The following GUCD1 variants were observed in gnomAD, a reference collection of about 807,000 sequenced individuals.
The protein encoded by GUCD1 is protein GUCD1.
GUCD1 carries 17 observed loss-of-function variants against 28.3 expected under a neutral mutation model. The observed-to-expected ratio is 0.60, with a 90% CI of 0.41 to 0.90. The LOEUF (loss-of-function observed/expected upper bound fraction) is 0.90. Ranked by LOEUF, GUCD1 falls within the 40% of genes least tolerant of loss-of-function variation. The probability of loss-of-function intolerance (pLI) is 0.00; values close to 1 mark genes in which losing one functional copy is unlikely to be tolerated. For synonymous variants in GUCD1, 129 were observed against 123.3 expected (o/e 1.05, Z -0.30); for missense variants, 279 against 305.5 (o/e 0.91, Z 0.65).
In GUCD1 at chr22:24,547,004, G is replaced by C. The variant is rs748433469; in HGVS notation, c.296C>G (p.Ser99Cys). ...TGTGTCAAAGTGCTTCCTGTAGAAG[G>C]ACTGAACAGAGAAGAGGGGGATGGA... ...LGVDKGYKNQ[S>C]FYRKHFDTEE... Residue 99 changes from serine (S) to cysteine (C), a missense_variant and splice_region_variant, in exon 4 of 6, where the codon TCC (serine) becomes TGC (cysteine). Ser to Cys is a moderately radical substitution (Grantham distance 112). Transcript: ENST00000435822. 1.9e-6 allele frequency: 3 copies of C among 1,613,110 alleles called. No individual in the cohort carries two copies. The highest frequency in any genetic ancestry group is 2.5e-6 in the Non-Finnish European group (3 of 1,179,082).
At chr22:24,545,915 G>A (rs1428290709) in intron 4 of GUCD1, among the ~76,000 whole-genome samples, 1 of 147,362 alleles carries the variant, frequency 6.8e-6, no homozygotes, top group Non-Finnish European at 1.5e-5. Flanking sequence ...TTAAAGCCCG[G>A]GGCAGTACTC....
chr22:24,550,661 T>C (rs2044848397), intron 1 of GUCD1, among the ~76,000 whole-genome samples: 2 of 152,166 alleles, frequency 1.3e-5, no homozygotes, highest in East Asian at 3.8e-4. Flanking sequence ...TTCCCCTCAC[T>C]TCCCTGTGTG....
chr22:24,546,336 A>G (rs997403308), intron 4 of GUCD1, among the ~76,000 whole-genome samples: 1 of 152,220 alleles, frequency 6.6e-6, no homozygotes, highest in African/African-American at 2.4e-5. Context: ...TCCGCAAAGA[A>G]AGGGAAAATC....
intron 1 of GUCD1, among the ~76,000 whole-genome samples, chr22:24,550,634 TG>T (rs1299534021): frequency 2.6e-5 from 4 of 152,102 alleles, no homozygotes; most frequent in Admixed American, 6.5e-5. Flanking sequence ...GGAGCCCTCC[TG>T]CTGTGCCAGC....
chr22:24,542,790 C>T lies in GUCD1; in HGVS notation c.*216G>A, dbSNP rs2044624939. The T allele has an allele frequency of 3.9e-6, 2 of 516,390 alleles. No individual in the cohort carries two copies. The highest frequency in any genetic ancestry group is 4.2e-5 in the South Asian group (2 of 48,072). The allele number at this position is 516,390 out of a possible 1,614,324, so 32.0% of individuals were successfully genotyped here. On this transcript the variant is annotated 3_prime_UTR_variant, in exon 6 of 6. Coordinates refer to ENST00000435822, the MANE Select transcript of GUCD1 (RefSeq NM_001284254.2). ...GGTCTTGGGGTATGCTTCCAGCAGC[C>T]AGCAGGTGCTTGGGGTGAGTGACAT...
chr22:24,551,020 T>C (rs931233696), intron 1 of GUCD1, among the ~76,000 whole-genome samples: 1 of 152,192 alleles, frequency 6.6e-6, no homozygotes, highest in African/African-American at 2.4e-5. Flanking sequence ...GAAGGCACAA[T>C]GGCATGAGCA....
In GUCD1 at chr22:24,551,275, C is replaced by G. The variant is rs762373374; in HGVS notation, c.44-2274G>C. On this transcript the variant is annotated intron_variant, in intron 1 of 5. Transcript: ENST00000435822. ...TAACCCAGATGCCTCCAAAAGATACCCAGGCCGTTCACTCAAGGCGCTCAC... is the reference window on the plus strand; with the variant it reads ...TAACCCAGATGCCTCCAAAAGATACGCAGGCCGTTCACTCAAGGCGCTCAC... 2.6e-5 allele frequency among the ~76,000 whole-genome samples: 4 copies of G among 152,150 alleles called. No homozygotes were observed. In the South Asian group the frequency reaches 8.3e-4, roughly 32 times the overall value.
intron 2 of GUCD1, among the ~76,000 whole-genome samples, chr22:24,548,457 A>C (rs1446965804): frequency 1.3e-5 from 2 of 152,252 alleles, no homozygotes; most frequent in African/African-American, 2.4e-5. Context: ...GATGTAAAAC[A>C]GATGAAGATG....
At chr22:24,550,560 A>G (rs1452609449) in intron 1 of GUCD1, among the ~76,000 whole-genome samples, 2 of 152,150 alleles carry the variant, frequency 1.3e-5, no homozygotes, top group Admixed American at 6.5e-5. Context: ...CCTTGCCCAC[A>G]TTGTTTCCCC....
chr22:24,545,926 T>A (rs1034931175), intron 4 of GUCD1, among the ~76,000 whole-genome samples: 1 of 149,600 alleles, frequency 6.7e-6, no homozygotes, highest in African/African-American at 2.5e-5. Flanking sequence ...GGCAGTACTC[T>A]TGGAAAATGT....
In GUCD1 at chr22:24,547,974, G is replaced by C. The variant is rs2147085067; in HGVS notation, c.228C>G (p.His76Gln). Residue 76 changes from histidine to glutamine, a missense_variant, in exon 3 of 6, where the codon CAC (histidine) becomes CAG (glutamine). By Grantham distance (24) the His-to-Gln change is conservative (BLOSUM62 0). Transcript: ENST00000435822. ...IWTIDLAYLM[H>Q]HFGVRHRFCT... Reference sequence around the variant, plus strand: ...AGAAGCGGTGCCTCACGCCAAAGTGGTGCATCAGGTAGGCCAGGTCGATGG... The same window carrying C: ...AGAAGCGGTGCCTCACGCCAAAGTGCTGCATCAGGTAGGCCAGGTCGATGG... 6.2e-7 allele frequency: 1 copy of C among 1,614,210 alleles called. No homozygotes were observed. The highest frequency in any genetic ancestry group is 2.2e-5 in the East Asian group (1 of 44,886).
At chr22:24,555,588 C>T (rs114059315), upstream of GUCD1, 6,519 of 1,548,996 alleles carry the variant, frequency 4.2e-3, 203 homozygotes, top group African/African-American at 0.073. Context: ...GTACCAGATA[C>T]CTAGCCTCAC....
chr22:24,551,201 G>A (rs1454333512), intron 1 of GUCD1, among the ~76,000 whole-genome samples: 1 of 152,160 alleles, frequency 6.6e-6, no homozygotes, highest in Non-Finnish European at 1.5e-5. Context: ...GCTGGGGCCT[G>A]GTATGCTAAG....
chr22:24,550,335 A>C (rs2044839315), intron 1 of GUCD1, among the ~76,000 whole-genome samples: 1 of 152,192 alleles, frequency 6.6e-6, no homozygotes, highest in Non-Finnish European at 1.5e-5. Context: ...ACATAGCAAA[A>C]TAGAGGCCTA....
chr22:24,547,215 G>A, intron 3 of GUCD1: 1 of 551,370 alleles, frequency 1.8e-6, no homozygotes, highest in Non-Finnish European at 3.3e-6. Context: ...ACAGAGGCAT[G>A]AGGATGATGC....
Position 24,546,973 on chromosome 22 carries a change from CTCT to C in GUCD1, c.324_326del (p.Glu109del), listed in dbSNP as rs1470406647. 6.2e-7 allele frequency: 1 copy of C among 1,613,994 alleles called. No homozygotes were observed. The highest frequency in any genetic ancestry group is 8.5e-7 in the Non-Finnish European group (1 of 1,180,034). ...GTGCAAACAGCTGATTCACCCGGGT[CTCT>C]TCTGTGTCAAAGTGCTTCCTGTAGA... On this transcript the variant is annotated inframe_deletion, in exon 4 of 6. Transcript: ENST00000435822.
intron 4 of GUCD1, among the ~76,000 whole-genome samples, chr22:24,544,724 G>A (rs149208620): frequency 6.6e-6 from 1 of 152,118 alleles, no homozygotes; most frequent in East Asian, 1.9e-4. Flanking sequence ...TGAAAACCTA[G>A]AGCAGGGCTG....
intron 3 of GUCD1, chr22:24,547,316 G>A (rs987844327): frequency 4.1e-5 from 14 of 343,390 alleles, no homozygotes; most frequent in Middle Eastern, 1.8e-3. Flanking sequence ...GCATGAGCAG[G>A]AGCCCGTAGC....
At chr22:24,549,836 T>C (rs1463200840) in intron 1 of GUCD1, among the ~76,000 whole-genome samples, 1 of 152,170 alleles carries the variant, frequency 6.6e-6, no homozygotes, top group Non-Finnish European at 1.5e-5. Flanking sequence ...GGCTGTTTTG[T>C]TTCCTGCTTT....
Sources: gnomAD v4.1 joint callset for allele counts (sites outside exome capture counted in the v4.1 genomes callset) on GRCh38, gnomAD v4.1.1 for gene constraint, MANE v1.5 for transcripts, NCBI Gene and HGNC (gene_info 2026-07-23, HGNC 2026-07-21) for gene names.